MYO1B: variants seen among roughly 807,000 people sequenced by gnomAD.
MYO1B encodes the protein myosin IB.
Under a neutral mutation model 159.7 loss-of-function variants are expected in MYO1B, and 72 were observed. The observed-to-expected ratio is 0.45, with a 90% CI of 0.37 to 0.55. MYO1B has a LOEUF of 0.55. MYO1B is among the 20% of genes least tolerant of loss of function. The pLI, the probability that MYO1B is intolerant of heterozygous loss-of-function variation, is 0.00. For missense variants in MYO1B, 1,062 were observed against 1,364.8 expected (o/e 0.78, Z 3.50); for synonymous variants, 468 against 473.8 (o/e 0.99, Z 0.16).
chr2:191,352,933 T>G (rs536911635), intron 7 of MYO1B, among the ~76,000 whole-genome samples: 1 of 152,302 alleles, frequency 6.6e-6, no homozygotes, highest in South Asian at 2.1e-4. Flanking sequence ...GAAGTATATT[T>G]TGCCTCCTTT....
chr2:191,277,188 A>G (rs1047138925), intron 2 of MYO1B, among the ~76,000 whole-genome samples, 158 bp downstream of exon 2: 3 of 152,160 alleles, frequency 2.0e-5, no homozygotes, highest in African/African-American at 7.2e-5. Flanking sequence ...TTACTGATTT[A>G]GCCCATGAGT....
At chr2:191,407,589 G>A (rs1027471237) in intron 24 of MYO1B, 4 of 152,164 alleles carry the variant, frequency 2.6e-5, no homozygotes, top group African/African-American at 7.2e-5. Context: ...TTTGGTGGGA[G>A]TAGAGATGAT....
intron 1 of MYO1B, among the ~76,000 whole-genome samples, chr2:191,258,529 T>G (rs1448743877): frequency 6.6e-6 from 1 of 152,164 alleles, no homozygotes; most frequent in Non-Finnish European, 1.5e-5. Context: ...ACGTCACTAG[T>G]CGATAGGAAT....
At chr2:191,397,915 A>C (rs1574605152) in intron 21 of MYO1B, among the ~76,000 whole-genome samples, 3 of 75,952 alleles carry the variant, frequency 3.9e-5, no homozygotes, top group African/African-American at 5.9e-5. Flanking sequence ...GGCGCCCCTC[A>C]CCTCCCGGAC....
At chr2:191,275,830 T>C (rs1574316510) in intron 1 of MYO1B, among the ~76,000 whole-genome samples, 1 of 152,242 alleles carries the variant, frequency 6.6e-6, no homozygotes, top group African/African-American at 2.4e-5. Flanking sequence ...GTTCTGGTAA[T>C]ATTAGGAAAA....
rs1693803360 is a variant in MYO1B, at chr2:191,363,447, A to G, written c.766-281A>G. Among the ~76,000 whole-genome samples the G allele has an allele frequency of 2.0e-5, 3 of 152,168 alleles. No homozygotes were observed. The South Asian group carries it at 6.2e-4, about 32-fold the overall frequency. On this transcript the variant is annotated intron_variant, in intron 9 of 30. Coordinates refer to ENST00000392318, the MANE Select transcript of MYO1B (RefSeq NM_001130158.3). The stretch of plus-strand genomic sequence containing the variant: ...CCTCAGTGTAAAAAAAACGACATAC[A>G]TACAAACTGAGCTGCTGTGGTTGAA...
At chr2:191,262,863 CCTT>C (rs1458363715) in intron 1 of MYO1B, 4 of 152,224 alleles carry the variant, frequency 2.6e-5, no homozygotes, top group Non-Finnish European at 5.9e-5. Context: ...CTTCAGCTAT[CCTT>C]CTGTGATTCT....
intron 1 of MYO1B, among the ~76,000 whole-genome samples, chr2:191,269,724 A>T (rs1217629665): frequency 6.6e-6 from 1 of 152,148 alleles, no homozygotes; most frequent in African/African-American, 2.4e-5. Flanking sequence ...TGGCGAGACA[A>T]GGCAGAGAGA....
intron 3 of MYO1B, among the ~76,000 whole-genome samples, chr2:191,303,966 GTC>G (rs1689488804): frequency 6.6e-6 from 1 of 152,176 alleles, no homozygotes; most frequent in African/African-American, 2.4e-5. Context: ...ATGCATGACT[GTC>G]ATGGGTCAAA....
intron 24 of MYO1B, 23 bp downstream of exon 24, chr2:191,402,741 C>A: frequency 7.5e-6 from 12 of 1,592,554 alleles, no homozygotes; most frequent in Non-Finnish European, 1.0e-5. Flanking sequence ...CCACTTGTTT[C>A]TGTCCAGGGT....
At position 191,289,137 on chromosome 2, in the gene MYO1B, C is replaced by T. The variant is rs114216609; in HGVS notation, c.136-6974C>T. Among the ~76,000 whole-genome samples, 608 of 152,178 alleles carry T rather than the reference C, an allele frequency of 4.0e-3. 4 individuals carry two copies. Among genetic ancestry groups the T allele is most frequent in the African/African-American group, 0.012 (497 of 41,540 alleles). ...CCTTTTCTGTTTTGTTTATTCCTGGCGGTAGAAGGATTTCTCAGGTGGTAA... is the reference window on the plus strand; with the variant it reads ...CCTTTTCTGTTTTGTTTATTCCTGGTGGTAGAAGGATTTCTCAGGTGGTAA... On this transcript the variant is annotated intron_variant, in intron 2 of 30. Transcript: ENST00000392318.
In MYO1B at chr2:191,363,739, G is replaced by A. The variant is rs776463726; in HGVS notation, c.777G>A (p.Gln259=). The A allele has an allele frequency of 5.0e-6, 8 of 1,611,062 alleles. No individual in the cohort carries two copies. The highest frequency in any genetic ancestry group is 1.7e-5 in the Admixed American group (1 of 59,432). The change falls in exon 10 of 31, where the codon CAG becomes CAA. Residue 259 remains glutamine, a synonymous_variant. Coordinates refer to ENST00000392318, the MANE Select transcript of MYO1B (RefSeq NM_001130158.3). ...ANFRTVRNAM[Q]IVGFMDHEAE... ...TTTTCTCTCCCCAGAATGCCATGCA[G>A]ATTGTGGGCTTTATGGATCATGAAG...
chr2:191,249,807 C>T (rs943896887), intron 1 of MYO1B, among the ~76,000 whole-genome samples: 14 of 152,178 alleles, frequency 9.2e-5, no homozygotes, highest in African/African-American at 3.4e-4. Context: ...GTGAGAGTAA[C>T]TTTAGTCTCC....
At chr2:191,313,936 T>G (rs1449940811) in intron 3 of MYO1B, among the ~76,000 whole-genome samples, 1 of 152,198 alleles carries the variant, frequency 6.6e-6, no homozygotes, top group Non-Finnish European at 1.5e-5. Flanking sequence ...AAATACAGTC[T>G]CCTCTTGTGC....
At chr2:191,408,210 T>C in intron 25 of MYO1B, 21 bp downstream of exon 25, 2 of 1,575,580 alleles carry the variant, frequency 1.3e-6, no homozygotes, top group South Asian at 1.1e-5. Context: ...ACTTTATATC[T>C]GTGGATAATC....
intron 11 of MYO1B, among the ~76,000 whole-genome samples, chr2:191,367,713 G>A (rs1264349860): frequency 1.3e-5 from 2 of 152,130 alleles, no homozygotes; most frequent in African/African-American, 2.4e-5. Context: ...AAAACATGGT[G>A]TTTTGAAATT....
chr2:191,255,807 A>C (rs1004727518), intron 1 of MYO1B, among the ~76,000 whole-genome samples: 1 of 151,726 alleles, frequency 6.6e-6, no homozygotes, highest in Non-Finnish European at 1.5e-5. Flanking sequence ...GAGTATTGCC[A>C]CTGCTGCTGC....
chr2:191,397,128 CTTTTTTTTTTTTTTTT>C (rs796198342), intron 21 of MYO1B, among the ~76,000 whole-genome samples: 3 of 32,254 alleles, frequency 9.3e-5, no homozygotes, highest in Non-Finnish European at 1.8e-4. Flanking sequence ...AAGATGATTT[CTTTTTTTTTTTTTTTT>C]TTTTTTTTTT....
intron 13 of MYO1B, among the ~76,000 whole-genome samples, chr2:191,375,093 C>T (rs2126052831): frequency 6.6e-6 from 1 of 152,280 alleles, no homozygotes; most frequent in Non-Finnish European, 1.5e-5. Flanking sequence ...ACCTTTCATA[C>T]AGTGGAGCTA....
Sources: gnomAD v4.1 joint callset for allele counts (sites outside exome capture counted in the v4.1 genomes callset) on GRCh38, gnomAD v4.1.1 for gene constraint, MANE v1.5 for transcripts, NCBI Gene and HGNC (gene_info 2026-07-23, HGNC 2026-07-21) for gene names.